CYB5RL: variants seen among roughly 807,000 people sequenced by gnomAD.
CYB5RL encodes the protein NADH-cytochrome b5 reductase-like.
In CYB5RL, 38 loss-of-function variants were observed where a neutral mutation model predicts 37.5. That is an observed-to-expected ratio of 1.01 (90% CI 0.78 to 1.33). The LOEUF is 1.33. Among genes scored for constraint, CYB5RL ranks in the 40% most tolerant of loss-of-function variants. The pLI is 0.00. For missense variants in CYB5RL, 388 were observed against 394.4 expected (o/e 0.98, Z 0.14); for synonymous variants, 141 against 151.9 (o/e 0.93, Z 0.53).
At chr1:54,194,848 T>C (rs1643991625) in intron 3 of CYB5RL, among the ~76,000 whole-genome samples, 1 of 152,194 alleles carries the variant, frequency 6.6e-6, no homozygotes, top group Non-Finnish European at 1.5e-5. Context: ...CCTATCTGTG[T>C]TATACAGGGG....
chr1:54,175,255 A>C (rs191036742), intron 7 of CYB5RL, among the ~76,000 whole-genome samples: 155 of 152,374 alleles, frequency 1.0e-3, no homozygotes, highest in South Asian at 6.2e-3. Context: ...TTCAATGAAC[A>C]TATTCATTTA....
At chr1:54,178,859 A>C (rs1455153331) in intron 7 of CYB5RL, among the ~76,000 whole-genome samples, 1 of 152,230 alleles carries the variant, frequency 6.6e-6, no homozygotes, top group Non-Finnish European at 1.5e-5. Context: ...GCAGTAACGC[A>C]TGGGGTGAGA....
chr1:54,191,384 TG>T (rs1643952506), intron 3 of CYB5RL, among the ~76,000 whole-genome samples: 1 of 152,216 alleles, frequency 6.6e-6, no homozygotes, highest in African/African-American at 2.4e-5. Context: ...TATAAGTTGA[TG>T]GGACCTCAGA....
chr1:54,184,418 G>T, intron 5 of CYB5RL, 153 bp from the exon 6 acceptor site: 1 of 641,754 alleles, frequency 1.6e-6, no homozygotes, highest in Non-Finnish European at 2.7e-6. Flanking sequence ...AGTTGGTACA[G>T]CCATTCCCAA....
intron 4 of CYB5RL, 194 bp downstream of exon 4, chr1:54,190,554 T>G: frequency 4.4e-6 from 3 of 679,520 alleles, no homozygotes; most frequent in Non-Finnish European, 5.0e-6. Flanking sequence ...ATTAAAGTGA[T>G]TGTGTTATTA....
At chr1:54,180,043 C>G in intron 6 of CYB5RL, 1 of 451,154 alleles carries the variant, frequency 2.2e-6, no homozygotes, top group Non-Finnish European at 4.4e-6. Flanking sequence ...GTCAGGAGTT[C>G]GAGACCAACG....
chr1:54,181,488 G>A (rs1660159517), intron 6 of CYB5RL, among the ~76,000 whole-genome samples: 1 of 152,230 alleles, frequency 6.6e-6, no homozygotes, highest in South Asian at 2.1e-4. Context: ...ATATCCATCT[G>A]TAACGAAGAC....
rs1659931338 is a variant in CYB5RL, at chr1:54,173,070, C to G, written c.*1549G>C. On this transcript the variant is annotated 3_prime_UTR_variant, in exon 8 of 8. Transcript: ENST00000534324. ...GTCTTTTCAGGGCCTTTAACATGCTCCTGTGCCCGTGCTTCTGGAAGAAGG... is the reference window on the plus strand; with the variant it reads ...GTCTTTTCAGGGCCTTTAACATGCTGCTGTGCCCGTGCTTCTGGAAGAAGG... 6.6e-6 allele frequency: 1 copy of G among 152,216 alleles called. No homozygotes were observed. The highest frequency in any genetic ancestry group is 2.4e-5 in the African/African-American group (1 of 41,446). 9.4% of individuals were successfully genotyped at this position (152,216 alleles called of 1,614,324 possible).
chr1:54,180,105 T>G, intron 6 of CYB5RL: 1 of 433,194 alleles, frequency 2.3e-6, no homozygotes, highest in South Asian at 1.7e-5. Flanking sequence ...AGCGTGGTGG[T>G]GCACGCCTGT....
At chr1:54,196,527 C>A (rs1431500133) in intron 1 of CYB5RL, 36 bp from the exon 2 acceptor site, 5 of 152,104 alleles carry the variant, frequency 3.3e-5, no homozygotes, top group Non-Finnish European at 7.3e-5. Context: ...AAATATATAC[C>A]TACAACTCAA....
At chr1:54,190,565 T>A (rs771048269) in intron 4 of CYB5RL, 183 bp downstream of exon 4, 1 of 714,634 alleles carries the variant, frequency 1.4e-6, no homozygotes, top group Non-Finnish European at 2.3e-6. Flanking sequence ...TGTGTTATTA[T>A]TTATTATGAA....
chr1:54,184,320 A>C, intron 5 of CYB5RL, 55 bp from the exon 6 acceptor site: 1 of 1,451,126 alleles, frequency 6.9e-7, no homozygotes, highest in Non-Finnish European at 9.6e-7. Context: ...GCCAACACAA[A>C]CCAGATTAAC....
chr1:54,190,458 A>G, intron 4 of CYB5RL: 1 of 585,480 alleles, frequency 1.7e-6, no homozygotes, highest in Admixed American at 3.2e-5. Flanking sequence ...CTGGGGTATA[A>G]CTGCACCTAC....
At chr1:54,184,030 G>A (rs1660231680) in intron 6 of CYB5RL, 131 bp downstream of exon 6, 2 of 614,472 alleles carry the variant, frequency 3.3e-6, no homozygotes, top group Admixed American at 3.1e-5. Context: ...CTTCTCCCAT[G>A]TCCAACCCCA....
chr1:54,178,403 C>T (rs1342726518), intron 7 of CYB5RL, among the ~76,000 whole-genome samples: 1 of 152,144 alleles, frequency 6.6e-6, no homozygotes, highest in Non-Finnish European at 1.5e-5. Context: ...AAAAGTGAAG[C>T]TACCAACCAG....
chr1:54,199,810 C>A (rs976729833), intron 1 of CYB5RL, among the ~76,000 whole-genome samples, 166 bp downstream of exon 1: 64 of 152,318 alleles, frequency 4.2e-4, no homozygotes, highest in Non-Finnish European at 6.6e-4. Flanking sequence ...GCGCGCTGTA[C>A]AGGTGCAACA....
rs539876686 is a variant in CYB5RL, at chr1:54,171,812, A to C, written c.*2807T>G. On this transcript the variant is annotated 3_prime_UTR_variant, in exon 8 of 8. Transcript: ENST00000534324. Reference sequence around the variant, plus strand: ...AGCTCCAAGAGGTCTGAACTCACACACCACACCCCACACTCTTCTTCTTGG... The same window carrying C: ...AGCTCCAAGAGGTCTGAACTCACACCCCACACCCCACACTCTTCTTCTTGG... The C allele has an allele frequency of 1.9e-5, 5 of 267,500 alleles. No individual in the cohort carries two copies. Among genetic ancestry groups the C allele is most frequent in the South Asian group, 1.8e-4 (4 of 21,732 alleles). The allele number at this position is 267,500 out of a possible 1,614,324, so 16.6% of individuals were successfully genotyped here. A position where few individuals can be genotyped will look rare whatever the true frequency, so the allele number is the denominator to read the frequency against.
chr1:54,191,949 T>C (rs1643958218), intron 3 of CYB5RL, among the ~76,000 whole-genome samples: 1 of 152,332 alleles, frequency 6.6e-6, no homozygotes, highest in East Asian at 1.9e-4. Context: ...ATTGATCCTC[T>C]GGGTCTCAGT....
chr1:54,182,187 T>C (rs568904279), intron 6 of CYB5RL, among the ~76,000 whole-genome samples: 2 of 152,344 alleles, frequency 1.3e-5, no homozygotes, highest in South Asian at 4.1e-4. Context: ...AGAAGAATAC[T>C]ATGGAATAGT....
Sources: allele counts gnomAD v4.1 joint callset (sites outside exome capture counted in the v4.1 genomes callset), GRCh38; gene constraint gnomAD v4.1.1; transcripts MANE v1.5; gene names NCBI Gene and HGNC (gene_info 2026-07-23, HGNC 2026-07-21).